MYH14: variants seen among roughly 807,000 people sequenced by gnomAD.
MYH14 encodes the protein myosin-14.
In MYH14, 123 loss-of-function variants were observed where a neutral mutation model predicts 255.5. That is an observed-to-expected ratio of 0.48 (90% CI 0.42 to 0.56). The LOEUF (loss-of-function observed/expected upper bound fraction) is 0.56. MYH14 is among the 20% of genes least tolerant of loss of function. The probability of loss-of-function intolerance (pLI) is 0.00; values close to 1 mark genes in which losing one functional copy is unlikely to be tolerated. For missense variants in MYH14, 2,423 were observed against 2,802.3 expected (o/e 0.86, Z 3.06); for synonymous variants, 1,095 against 1,161.2 (o/e 0.94, Z 1.16).
intron 2 of MYH14, among the ~76,000 whole-genome samples, chr19:50,215,216 G>A (rs1489395955): frequency 1.3e-5 from 2 of 152,170 alleles, no homozygotes; most frequent in Non-Finnish European, 2.9e-5. Context: ...GGAGGGGCCA[G>A]GGTGGGAGGG....
At chr19:50,253,409 A>C (rs981038660) in intron 16 of MYH14, among the ~76,000 whole-genome samples, 5 of 151,680 alleles carry the variant, frequency 3.3e-5, no homozygotes, top group Middle Eastern at 3.5e-3. Flanking sequence ...TGTCACTGCA[A>C]TCCAGCCTGG....
chr19:50,255,749 A>G (rs1461649639), intron 17 of MYH14, among the ~76,000 whole-genome samples: 1 of 152,028 alleles, frequency 6.6e-6, no homozygotes. Context: ...TATCTGTGCT[A>G]TGAGGACTTA....
At position 50,249,836 on chromosome 19, in the gene MYH14, C is replaced by T. The variant is rs1292298391; in HGVS notation, c.1656+13C>T. On this transcript the variant is annotated intron_variant, in intron 14 of 42. Coordinates refer to ENST00000642316, the MANE Select transcript of MYH14 (RefSeq NM_001145809.2). Reference sequence around the variant, plus strand: ...CATCGAGCGGCCGGTGAGCCCCAGGCCCCTCCCAGCCCACACTCACGGTTC... The same window carrying T: ...CATCGAGCGGCCGGTGAGCCCCAGGTCCCTCCCAGCCCACACTCACGGTTC... 6.2e-7 allele frequency: 1 copy of T among 1,613,728 alleles called. No individual in the cohort carries two copies. Among genetic ancestry groups the T allele is most frequent in the Non-Finnish European group, 8.5e-7 (1 of 1,179,796 alleles).
In MYH14 at chr19:50,276,751, A is replaced by G. The variant is rs1332807976; in HGVS notation, c.3681-6A>G. The stretch of plus-strand genomic sequence containing the variant: ...TTCCCATCCTCTCTCCTTTCCCCCA[A>G]TAAAGGTCCAAGAGGGAACAGGAGG... On this transcript the variant is annotated splice_region_variant and splice_polypyrimidine_tract_variant and intron_variant, in intron 28 of 42. Coordinates refer to ENST00000642316, the MANE Select transcript of MYH14 (RefSeq NM_001145809.2). The surrounding 1 kb of genome is among the most constrained non-coding windows in gnomAD (Gnocchi z 4.3). 1.7e-5 allele frequency: 28 copies of G among 1,613,164 alleles called. No homozygotes were observed. Among genetic ancestry groups the G allele is most frequent in the Admixed American group, 3.3e-5 (2 of 59,992 alleles).
At position 50,281,606 on chromosome 19, in the gene MYH14, C is replaced by T. The variant is rs1052563735; in HGVS notation, c.4303C>T (p.Arg1435Trp). 23 of 1,587,454 alleles carry T rather than the reference C, an allele frequency of 1.4e-5. No homozygotes were observed. The highest frequency in any genetic ancestry group is 1.9e-5 in the Non-Finnish European group (22 of 1,166,612). ...QTAQAQLSEW[R>W]RRQEEEAGAL... The stretch of plus-strand genomic sequence containing the variant: ...CTCCTCCCCTCAGCTTTCCGAGTGG[C>T]GGCGGCGCCAGGAGGAGGAGGCAGG... Residue 1435 changes from arginine to tryptophan, a missense_variant, in exon 33 of 43, where the codon CGG becomes TGG. This residue lies in a region of MYH14 where 1,513 missense variants were observed against 1,674.8 expected (regional missense o/e 0.90). Transcript: ENST00000642316.
In MYH14 at chr19:50,266,851, A is replaced by G; in HGVS notation, c.2695-26A>G. On this transcript the variant is annotated intron_variant, in intron 22 of 42. Transcript: ENST00000642316. The surrounding 1 kb of genome is among the most constrained non-coding windows in gnomAD (Gnocchi z 4.1). ...GAGGTCTTGGCGCCTGAAGTCAGCC[A>G]TTCCACCCCTTTCACCTCCACCTAG... is the stretch of plus-strand genomic sequence containing the variant. 1 of 1,551,484 alleles carries G rather than the reference A, an allele frequency of 6.4e-7. No homozygotes were observed. The highest frequency in any genetic ancestry group is 8.7e-7 in the Non-Finnish European group (1 of 1,146,882).
intron 33 of MYH14, among the ~76,000 whole-genome samples, chr19:50,282,206 C>G (rs2035748920): frequency 6.6e-6 from 1 of 152,166 alleles, no homozygotes; most frequent in Non-Finnish European, 1.5e-5. Context: ...GTTGCTTTTT[C>G]CATCTCAGCT....
At chr19:50,206,184 G>A (rs763849069) in intron 1 of MYH14, among the ~76,000 whole-genome samples, 29 of 151,424 alleles carry the variant, frequency 1.9e-4, no homozygotes, top group Non-Finnish European at 3.5e-4. Context: ...AGTGAGGTGA[G>A]GGGGCCTGCA....
chr19:50,224,127 G>A (rs775826879), intron 5 of MYH14, 27 bp from the exon 6 acceptor site: 151 of 1,607,576 alleles, frequency 9.4e-5, no homozygotes, highest in Non-Finnish European at 1.1e-4. Context: ...GTCCTGGTCC[G>A]TGTCTCGTGT....
intron 1 of MYH14, among the ~76,000 whole-genome samples, chr19:50,205,880 G>C (rs542321871): frequency 6.6e-6 from 1 of 152,220 alleles, no homozygotes; most frequent in East Asian, 1.9e-4. Flanking sequence ...GAAACCCAGC[G>C]CTAGAAGCCA....
At chr19:50,268,024 G>T in intron 23 of MYH14, 137 bp from the exon 24 acceptor site, 2 of 1,095,124 alleles carry the variant, frequency 1.8e-6, no homozygotes, top group Non-Finnish European at 2.5e-6. Context: ...AGGAGGTGGG[G>T]ACACCGTGTC....
intron 27 of MYH14, among the ~76,000 whole-genome samples, chr19:50,273,123 T>C (rs1183073683): frequency 1.3e-5 from 2 of 151,776 alleles, no homozygotes; most frequent in Non-Finnish European, 2.9e-5. Context: ...AAACCCTGTC[T>C]CTACTAAAAA....
intron 40 of MYH14, among the ~76,000 whole-genome samples, chr19:50,302,447 G>T (rs1441480204): frequency 6.6e-6 from 1 of 151,880 alleles, no homozygotes; most frequent in Non-Finnish European, 1.5e-5. Context: ...GCTGGGTGTG[G>T]TGGCTCATGC....
Position 50,279,923 on chromosome 19 carries a change from C to T in MYH14, c.4033-114C>T, listed in dbSNP as rs541154714. ...ATCTGTGGATCTGCCAGACTGTTTT[C>T]CACGGCAGCTGTAACATTTCACATT... On this transcript the variant is annotated intron_variant, in intron 30 of 42. Coordinates refer to ENST00000642316, the MANE Select transcript of MYH14 (RefSeq NM_001145809.2). 4.9e-6 allele frequency: 4 copies of T among 819,278 alleles called. No individual in the cohort carries two copies. In the East Asian group the frequency reaches 1.1e-4, roughly 22 times the overall value. The allele number at this position is 819,278 out of a possible 1,614,324, so 50.8% of individuals were successfully genotyped here. A position where few individuals can be genotyped will look rare whatever the true frequency, so the allele number is the denominator to read the frequency against.
chr19:50,210,830 G>C, intron 2 of MYH14, 60 bp downstream of exon 2: 1 of 1,525,958 alleles, frequency 6.6e-7, no homozygotes. Context: ...GGGGAACCAG[G>C]TCCACCACCC....
chr19:50,249,608 C>T, intron 13 of MYH14, 42 bp from the exon 14 acceptor site: 1 of 1,612,798 alleles, frequency 6.2e-7, no homozygotes, highest in African/African-American at 1.3e-5. Context: ...GGGTCTCTGT[C>T]CCTCTCCATC....
rs1274436894 is a variant in MYH14 at position 50,224,171 on chromosome 19, G to A, written c.711G>A (p.Val237=). The change falls in exon 6 of 43, where the codon GTG becomes GTA. Residue 237 remains valine, a synonymous_variant. Coordinates refer to ENST00000642316, the MANE Select transcript of MYH14 (RefSeq NM_001145809.2). The stretch of plus-strand genomic sequence containing the variant: ...TTCCTCAGGCCTCCGTCAGCACCGT[G>A]TCTTATGTGAGTAGCAGGGGATCAC... ...EPGVPASVST[V]SYGELERQLL... The A allele has an allele frequency of 1.2e-6, 2 of 1,613,862 alleles. No homozygotes were observed. Among genetic ancestry groups the A allele is most frequent in the East Asian group, 4.5e-5 (2 of 44,864 alleles).
intron 39 of MYH14, among the ~76,000 whole-genome samples, chr19:50,297,874 TC>T (rs1026663501): frequency 6.6e-5 from 10 of 152,148 alleles, no homozygotes; most frequent in Admixed American, 3.3e-4. Flanking sequence ...CTCGCGTTAA[TC>T]AATTACAACT....
Position 50,276,331 on chromosome 19 carries a change from T to C in MYH14, c.3680+128T>C. Reference sequence around the variant, plus strand: ...ACAGTTGTTCATGAACCACCGGCTCTAGGTCCGGCCTGGGTCAAGCTGGGG... The same window carrying C: ...ACAGTTGTTCATGAACCACCGGCTCCAGGTCCGGCCTGGGTCAAGCTGGGG... On this transcript the variant is annotated intron_variant, in intron 28 of 42. Transcript: ENST00000642316. The surrounding 1 kb of genome is among the most constrained non-coding windows in gnomAD (Gnocchi z 4.3). 1.2e-6 allele frequency: 1 copy of C among 807,950 alleles called. No individual in the cohort carries two copies. The highest frequency in any genetic ancestry group is 1.9e-6 in the Non-Finnish European group (1 of 530,068). The allele number at this position is 807,950 out of a possible 1,614,324, so 50.0% of individuals were successfully genotyped here.
Sources: allele counts gnomAD v4.1 joint callset (sites outside exome capture counted in the v4.1 genomes callset), GRCh38; gene constraint gnomAD v4.1.1; regional missense constraint gnomAD v4.1.1; non-coding constraint Gnocchi (gnomAD v3.1); transcripts MANE v1.5; gene names NCBI Gene and HGNC (gene_info 2026-07-23, HGNC 2026-07-21).